SLC5A9: variants seen among roughly 807,000 people sequenced by gnomAD.
SLC5A9 encodes solute carrier family 5 member 9.
In SLC5A9, 59 loss-of-function variants were observed where a neutral mutation model predicts 70.9. The ratio of observed to expected loss-of-function variants is 0.83; its 90% CI spans 0.68 to 1.03. The LOEUF is 1.03. Ranked by LOEUF, SLC5A9 falls within the 50% of genes least tolerant of loss-of-function variation. The pLI is 0.00. For missense variants in SLC5A9, 832 were observed against 881.1 expected (o/e 0.94, Z 0.71); for synonymous variants, 340 against 346.5 (o/e 0.98, Z 0.21).
chr1:48,227,685 CAT>C (rs1362294815), intron 2 of SLC5A9, among the ~76,000 whole-genome samples: 2 of 152,056 alleles, frequency 1.3e-5, no homozygotes, highest in East Asian at 1.9e-4. Context: ...TGCATGTGCA[CAT>C]GTCAGAGGCG....
rs775042222 is a variant in SLC5A9 at position 48,230,560 on chromosome 1, C to T, written c.505-40C>T. ...TGTGTCCATACAACCCTACTGAGGGCCTCGGGTGGTCTGGCCTCTTGGGTC... is the reference window on the plus strand; with the variant it reads ...TGTGTCCATACAACCCTACTGAGGGTCTCGGGTGGTCTGGCCTCTTGGGTC... On this transcript the variant is annotated intron_variant, in intron 4 of 13. Coordinates refer to ENST00000438567, the MANE Select transcript of SLC5A9 (RefSeq NM_001011547.3). 4.1e-6 allele frequency: 6 copies of T among 1,452,840 alleles called. No individual in the cohort carries two copies. In the South Asian group the frequency reaches 5.7e-5, roughly 14 times the overall value. 90.0% of individuals were successfully genotyped at this position (1,452,840 alleles called of 1,614,324 possible).
Position 48,228,875 on chromosome 1 carries a change from A to G in SLC5A9, c.260A>G (p.Asn87Ser). The G allele has an allele frequency of 1.9e-6, 3 of 1,613,822 alleles. No homozygotes were observed. The highest frequency in any genetic ancestry group is 2.5e-6 in the Non-Finnish European group (3 of 1,179,944). Residue 87 changes from asparagine (N) to serine (S), a missense_variant, in exon 3 of 14, where the codon AAT becomes AGT. Coordinates refer to ENST00000438567, the MANE Select transcript of SLC5A9 (RefSeq NM_001011547.3). ...ATTGGAGCATCTCTGATGTCCAGCA[A>G]TGTGGGCAGTGGCTTGTTCATCGGC... Reference protein sequence around the residue: ...WPIGASLMSSNVGSGLFIGLA... With the variant: ...WPIGASLMSSSVGSGLFIGLA...
At chr1:48,223,223 G>A (rs761971813) in intron 1 of SLC5A9, among the ~76,000 whole-genome samples, 13 of 152,138 alleles carry the variant, frequency 8.5e-5, no homozygotes, top group Middle Eastern at 3.4e-3. Flanking sequence ...CCCACCCCAA[G>A]GCCCCCAACT....
rs143335119 is a variant in SLC5A9, at chr1:48,232,380, G to T, written c.911G>T (p.Arg304Leu). 6.2e-7 allele frequency: 1 copy of T among 1,613,960 alleles called. No homozygotes were observed. The highest frequency in any genetic ancestry group is 1.7e-5 in the Admixed American group (1 of 59,992). The change falls in exon 8 of 14, where the codon CGG (arginine) becomes CTG (leucine). Residue 304 changes from arginine (R) to leucine (L), a missense_variant. By Grantham distance (102) the Arg-to-Leu change is moderately radical (BLOSUM62 -2). Transcript: ENST00000438567. ...CTGCCCTTTCAGGTCATTGTGCAGCGGTCTCTCTCGGCCAAGAGTCTGTCT... is the reference window on the plus strand; with the variant it reads ...CTGCCCTTTCAGGTCATTGTGCAGCTGTCTCTCTCGGCCAAGAGTCTGTCT... ...CWCTDQVIVQ[R>L]SLSAKSLSHA... is the part of the protein sequence containing the mutation.
intron 2 of SLC5A9, 92 bp downstream of exon 2, chr1:48,224,887 T>C: frequency 7.9e-7 from 1 of 1,270,638 alleles, no homozygotes; most frequent in Non-Finnish European, 1.1e-6. Context: ...TTCTCACACC[T>C]GGACCAAGGC....
chr1:48,234,864 G>A (rs918591291), intron 9 of SLC5A9, among the ~76,000 whole-genome samples: 4 of 152,120 alleles, frequency 2.6e-5, no homozygotes, highest in African/African-American at 9.7e-5. Flanking sequence ...AAGGTCTGCT[G>A]TGAGGCTGGA....
intron 10 of SLC5A9, 146 bp from the exon 11 acceptor site, chr1:48,237,531 ATT>A (rs1181235532): frequency 8.4e-5 from 59 of 705,412 alleles, no homozygotes; most frequent in Non-Finnish European, 1.3e-4. Flanking sequence ...GAATCTTAGT[ATT>A]TGAGATTCTG....
At chr1:48,229,263 T>C in intron 3 of SLC5A9, 32 bp from the exon 4 acceptor site, 1 of 1,614,106 alleles carries the variant, frequency 6.2e-7, no homozygotes, top group African/African-American at 1.3e-5. Flanking sequence ...ATCCAGGACC[T>C]GGATACCTTC....
chr1:48,247,354 A>G lies in SLC5A9; in HGVS notation c.1857A>G (p.Gly619=), dbSNP rs1220241218. ...EQPEAPSRSW[G]KLLWSWFCGL... is the part of the protein sequence containing the mutation. ...CTCCAGCCCCAAGCAGGTCCTGGGG[A>G]AAGTTGCTCTGGAGCTGGTTCTGTG... The change falls in exon 14 of 14, where the codon GGA becomes GGG. Residue 619 remains glycine, a synonymous_variant. Coordinates refer to ENST00000438567, the MANE Select transcript of SLC5A9 (RefSeq NM_001011547.3). 17 of 1,613,954 alleles carry G rather than the reference A, an allele frequency of 1.1e-5. No homozygotes were observed. The highest frequency in any genetic ancestry group is 1.4e-5 in the Non-Finnish European group (17 of 1,179,976).
chr1:48,227,451 TGA>T (rs34525597), intron 2 of SLC5A9, among the ~76,000 whole-genome samples: 27,411 of 116,234 alleles, frequency 0.24, 4,798 homozygotes, highest in East Asian at 0.36. Context: ...TGTGTATGTG[TGA>T]GAGAGTGTGT....
chr1:48,243,053 C>T (rs189455413), intron 13 of SLC5A9, among the ~76,000 whole-genome samples: 1 of 152,210 alleles, frequency 6.6e-6, no homozygotes, highest in Non-Finnish European at 1.5e-5. Flanking sequence ...CCCTTCACCT[C>T]CCCTAGGTTG....
At chr1:48,241,610 A>C (rs1644390840) in intron 12 of SLC5A9, among the ~76,000 whole-genome samples, 1 of 152,166 alleles carries the variant, frequency 6.6e-6, no homozygotes, top group Admixed American at 6.5e-5. Context: ...CCATCCAAGG[A>C]AGTAAAAGTT....
Position 48,242,567 on chromosome 1 carries a change from A to G in SLC5A9, c.1788A>G (p.Ala596=), listed in dbSNP as rs146812909. 1.5e-4 allele frequency: 249 copies of G among 1,613,286 alleles called. No homozygotes were observed. The highest frequency in any genetic ancestry group is 2.0e-4 in the Non-Finnish European group (235 of 1,179,694). ...ISERPAGECP[A]GGGAAENSSL... is the part of the protein sequence containing the mutation. ...AGAGGCCAGCCGGGGAGTGCCCTGC[A>G]GGAGGTGGAGCGGCAGAGAACTCGA... The change falls in exon 13 of 14, where the codon GCA becomes GCG. Residue 596 remains alanine (A), a synonymous_variant. Coordinates refer to ENST00000438567, the MANE Select transcript of SLC5A9 (RefSeq NM_001011547.3).
chr1:48,228,940 G>A lies in SLC5A9; in HGVS notation c.325G>A (p.Gly109Ser). The A allele has an allele frequency of 1.9e-6, 3 of 1,613,318 alleles. No individual in the cohort carries two copies. The highest frequency in any genetic ancestry group is 2.5e-6 in the Non-Finnish European group (3 of 1,180,028). Residue 109 changes from glycine (G) to serine (S), a missense_variant, in exon 3 of 14, where the codon GGC (glycine) becomes AGC (serine). Transcript: ENST00000438567. ...TGAAGGLAVG[G>S]FEWNATWLLL... The stretch of plus-strand genomic sequence containing the variant: ...GGCTGCCGGAGGCCTTGCCGTAGGT[G>A]GCTTCGAGTGGAACGTAAGGAAGCT...
chr1:48,237,742 C>T lies in SLC5A9; in HGVS notation c.1356C>T (p.Asn452=). Residue 452 remains asparagine, a synonymous_variant, in exon 11 of 14, where the codon AAC becomes AAT. Transcript: ENST00000438567. ...GGATCCCCATCATCCAAAGCTCCAA[C>T]AGTGGGCAGCTCTTCGACTACATCC... The part of the protein sequence containing the change: ...ILWIPIIQSS[N]SGQLFDYIQA... The T allele has an allele frequency of 1.9e-6, 3 of 1,614,134 alleles. No individual in the cohort carries two copies. Among genetic ancestry groups the T allele is most frequent in the Non-Finnish European group, 1.7e-6 (2 of 1,180,034 alleles).
At chr1:48,232,643 TG>T (rs1488516881) in intron 8 of SLC5A9, 141 bp downstream of exon 8, 5 of 1,121,876 alleles carry the variant, frequency 4.5e-6, no homozygotes, top group Non-Finnish European at 6.3e-6. Context: ...TAGCCGGTCA[TG>T]GTGGCATGCA....
In SLC5A9 at chr1:48,239,361, C is replaced by A; in HGVS notation, c.1501C>A (p.Leu501Ile). 1 of 1,613,834 alleles carries A rather than the reference C, an allele frequency of 6.2e-7. No individual in the cohort carries two copies. The highest frequency in any genetic ancestry group is 8.5e-7 in the Non-Finnish European group (1 of 1,179,760). The change falls in exon 12 of 14, where the codon CTT becomes ATT. Residue 501 changes from leucine to isoleucine, a missense_variant. Coordinates refer to ENST00000438567, the MANE Select transcript of SLC5A9 (RefSeq NM_001011547.3). This position sits in a 1 kb window ranked among gnomAD's most constrained non-coding sequence, Gnocchi z 4.2. ...WGLVFGLGVG[L>I]LRMILEFSYP... ...CCTCGTGTTTGGCCTGGGAGTGGGG[C>A]TTCTGCGTATGATCCTGGAGTTCTC...
At chr1:48,226,978 CAT>C (rs1178368714) in intron 2 of SLC5A9, among the ~76,000 whole-genome samples, 3 of 151,140 alleles carry the variant, frequency 2.0e-5, no homozygotes, top group South Asian at 2.1e-4. Context: ...AATTTGTTTC[CAT>C]GTGTGAGTAT....
At chr1:48,235,633 G>A in intron 9 of SLC5A9, 96 bp from the exon 10 acceptor site, 1 of 1,463,148 alleles carries the variant, frequency 6.8e-7, no homozygotes, top group Non-Finnish European at 9.3e-7. Context: ...CCCACCCCCA[G>A]CTCCTGACTC....
Sources: allele counts gnomAD v4.1 joint callset (sites outside exome capture counted in the v4.1 genomes callset), GRCh38; gene constraint gnomAD v4.1.1; non-coding constraint Gnocchi (gnomAD v3.1); transcripts MANE v1.5; gene names NCBI Gene and HGNC (gene_info 2026-07-23, HGNC 2026-07-21).